VENTX: variants seen among roughly 807,000 people sequenced by gnomAD.
VENTX encodes VENT homeobox.
A neutral mutation model predicts 10.5 loss-of-function variants in VENTX; 13 were observed. The ratio of observed to expected loss-of-function variants is 1.23; its 90% CI spans 0.80 to 1.96. The LOEUF is 1.96. VENTX is among the 30% of genes most tolerant of loss of function. The pLI is 0.00. For synonymous variants in VENTX, 177 were observed against 150.4 expected (o/e 1.18, Z -1.29); for missense variants, 400 against 341.8 (o/e 1.17, Z -1.34).
Position 133,239,755 on chromosome 10 carries a change from G to A in VENTX, c.321G>A (p.Glu107=). The A allele has an allele frequency of 1.9e-6, 3 of 1,611,298 alleles. No individual in the cohort carries two copies. The South Asian group carries it at 3.3e-5, about 18-fold the overall frequency. Reference sequence around the variant, plus strand: ...CCATGGAGCAGGTCCGCACCTTGGAGGGCGTCTTCCAGCACCACCAGTACC... The same window carrying A: ...CCATGGAGCAGGTCCGCACCTTGGAAGGCGTCTTCCAGCACCACCAGTACC... ...AFTMEQVRTL[E]GVFQHHQYLS... The change falls in exon 2 of 3, where the codon GAG becomes GAA. Residue 107 remains glutamate, a synonymous_variant. Transcript: ENST00000325980.
rs1419955873 is a variant in VENTX at position 133,240,236 on chromosome 10, C to T, written c.707C>T (p.Ser236Leu). The change falls in exon 3 of 3, where the codon TCG becomes TTG. Residue 236 changes from serine (S) to leucine (L), a missense_variant. Coordinates refer to ENST00000325980, the MANE Select transcript of VENTX (RefSeq NM_014468.4). ...ASHPPTPGRP[S>L]LGPALSTGPR... The stretch of plus-strand genomic sequence containing the variant: ...CACCCCCCTACCCCAGGCCGGCCTT[C>T]GCTGGGACCAGCCCTGTCCACGGGG... The T allele has an allele frequency of 8.7e-6, 14 of 1,611,616 alleles. No homozygotes were observed. The highest frequency in any genetic ancestry group is 2.2e-5 in the East Asian group (1 of 44,834).
At chr10:133,239,300 A>C (rs1845894852) in intron 1 of VENTX, among the ~76,000 whole-genome samples, 1 of 151,798 alleles carries the variant, frequency 6.6e-6, no homozygotes. Context: ...AGCCCGGGAC[A>C]GGGATGGGTG....
rs1316219061 is a variant in VENTX at position 133,241,481 on chromosome 10, G to C, written c.*1175G>C. 4 of 152,280 alleles carry C rather than the reference G, an allele frequency of 2.6e-5. No individual in the cohort carries two copies. The highest frequency in any genetic ancestry group is 9.6e-5 in the African/African-American group (4 of 41,462). 9.4% of individuals were successfully genotyped at this position (152,280 alleles called of 1,614,324 possible). On this transcript the variant is annotated 3_prime_UTR_variant, in exon 3 of 3. Coordinates refer to ENST00000325980, the MANE Select transcript of VENTX (RefSeq NM_014468.4). ...ACTCCCGCGTTGATGGACCGTTCTTGGTGCAGACTCCTGACTGCGTGCATG... is the reference window on the plus strand; with the variant it reads ...ACTCCCGCGTTGATGGACCGTTCTTCGTGCAGACTCCTGACTGCGTGCATG...
Position 133,237,985 on chromosome 10 carries a change from C to A in VENTX, c.71C>A (p.Ser24Tyr). The A allele has an allele frequency of 6.2e-7, 1 of 1,600,722 alleles. No homozygotes were observed. ...AGCTTTGGCTCCGTGGACTGGCTCTCCCAGAGCAGCTGCTCAGGGCCGACC... is the reference window on the plus strand; with the variant it reads ...AGCTTTGGCTCCGTGGACTGGCTCTACCAGAGCAGCTGCTCAGGGCCGACC... ...LSSFGSVDWL[S>Y]QSSCSGPTHT... is the part of the protein sequence containing the mutation. Residue 24 changes from serine (S) to tyrosine (Y), a missense_variant, in exon 1 of 3, where the codon TCC (serine) becomes TAC (tyrosine). By Grantham distance (144) the Ser-to-Tyr change is moderately radical. Transcript: ENST00000325980.
At position 133,240,334 on chromosome 10, in the gene VENTX, G is replaced by C; in HGVS notation, c.*28G>C. The stretch of plus-strand genomic sequence containing the variant: ...AGGCACCTCTGACTCCCACACTCGC[G>C]GTCTTGCTGATCGCACCTGGCTCCT... On this transcript the variant is annotated 3_prime_UTR_variant, in exon 3 of 3. Coordinates refer to ENST00000325980, the MANE Select transcript of VENTX (RefSeq NM_014468.4). The C allele has an allele frequency of 6.5e-7, 1 of 1,542,610 alleles. No individual in the cohort carries two copies. The highest frequency in any genetic ancestry group is 8.7e-7 in the Non-Finnish European group (1 of 1,143,402).
rs34240429 is a variant in VENTX at position 133,238,167 on chromosome 10, TG to T, written c.241+20del. 12,439 of 1,574,544 alleles carry T rather than the reference TG, an allele frequency of 7.9e-3. 756 individuals are homozygous for T. In the African/African-American group the frequency reaches 0.14, roughly 17 times the overall value. On this transcript the variant is annotated intron_variant, in intron 1 of 2. Coordinates refer to ENST00000325980, the MANE Select transcript of VENTX (RefSeq NM_014468.4). ...GAGGACCATGGCCGGTAGGTCCGGGTGGGGGGGGTCCCTTCCTTCCCAGGTG... is the reference window on the plus strand; with the variant it reads ...GAGGACCATGGCCGGTAGGTCCGGGTGGGGGGGTCCCTTCCTTCCCAGGTG...
chr10:133,240,065 G>T lies in VENTX; in HGVS notation c.536G>T (p.Gly179Val), dbSNP rs1564910113. The T allele has an allele frequency of 6.2e-7, 1 of 1,611,640 alleles. No individual in the cohort carries two copies. Among genetic ancestry groups the T allele is most frequent in the Non-Finnish European group, 8.5e-7 (1 of 1,180,010 alleles). The change falls in exon 3 of 3, where the codon GGC becomes GTC. Residue 179 changes from glycine (G) to valine (V), a missense_variant. Transcript: ENST00000325980. ...FYSTSSGLAN[G>V]LQLLCPWAPL... ...TCAACGTCTTCTGGCCTTGCCAATG[G>T]CCTGCAGCTGCTGTGCCCTTGGGCA...
At position 133,238,090 on chromosome 10, in the gene VENTX, A is replaced by T. The variant is rs1178767175; in HGVS notation, c.176A>T (p.Gln59Leu). Reference sequence around the variant, plus strand: ...ACATCCGGCGCCCGGGAGCCCCCTCAGGCCGTCAGCATCAAGGAGGCCGCC... The same window carrying T: ...ACATCCGGCGCCCGGGAGCCCCCTCTGGCCGTCAGCATCAAGGAGGCCGCC... ...GQTSGAREPP[Q>L]AVSIKEAAGS... Residue 59 changes from glutamine (Q) to leucine (L), a missense_variant, in exon 1 of 3, where the codon CAG becomes CTG. Coordinates refer to ENST00000325980, the MANE Select transcript of VENTX (RefSeq NM_014468.4). The T allele has an allele frequency of 2.5e-6, 4 of 1,600,536 alleles. No individual in the cohort carries two copies. In the Admixed American group the frequency reaches 5.2e-5, roughly 21 times the overall value.
Position 133,240,371 on chromosome 10 carries a change from TCA to T in VENTX, c.*66_*67del. 6.7e-7 allele frequency: 1 copy of T among 1,503,032 alleles called. No homozygotes were observed. Among genetic ancestry groups the T allele is most frequent in the South Asian group, 1.3e-5 (1 of 74,476 alleles). 93.1% of individuals were successfully genotyped at this position (1,503,032 alleles called of 1,614,324 possible). A position where few individuals can be genotyped will look rare whatever the true frequency, so the allele number is the denominator to read the frequency against. ...CGCACCTGGCTCCTACCTGGAGGACTCAGTTGTTCTGTTTACATCCTGGTGGC... is the reference window on the plus strand; with the variant it reads ...CGCACCTGGCTCCTACCTGGAGGACTGTTGTTCTGTTTACATCCTGGTGGC... On this transcript the variant is annotated 3_prime_UTR_variant, in exon 3 of 3. Transcript: ENST00000325980.
In VENTX at chr10:133,240,516, A is replaced by ATATGTGTG. The variant is rs56081825; in HGVS notation, c.*211_*212insATGTGTGT. 2.5e-5 allele frequency: 3 copies of ATATGTGTG among 118,982 alleles called. No individual in the cohort carries two copies. Among genetic ancestry groups the ATATGTGTG allele is most frequent in the African/African-American group, 1.3e-4 (3 of 23,582 alleles). 7.4% of individuals were successfully genotyped at this position (118,982 alleles called of 1,614,324 possible). ...CGTATATATAAATATATATATACAT[A>ATATGTGTG]TGTGTGTGTATATATATATATATTT... is the stretch of plus-strand genomic sequence containing the variant. On this transcript the variant is annotated 3_prime_UTR_variant, in exon 3 of 3. Transcript: ENST00000325980.
chr10:133,239,526 G>GGAGGC (rs1845898846), intron 1 of VENTX, 150 bp from the exon 2 acceptor site: 1 of 895,590 alleles, frequency 1.1e-6, no homozygotes, highest in East Asian at 2.7e-5. Context: ...ATGTGACCTG[G>GGAGGC]GAGGCGGCGG....
At position 133,240,457 on chromosome 10, in the gene VENTX, T is replaced by A; in HGVS notation, c.*151T>A. On this transcript the variant is annotated 3_prime_UTR_variant, in exon 3 of 3. Coordinates refer to ENST00000325980, the MANE Select transcript of VENTX (RefSeq NM_014468.4). ...GATTACTGGAGAATATATATAAATA[T>A]ATATATGTACGTATATATGTAAATA... 7 of 468,762 alleles carry A rather than the reference T, an allele frequency of 1.5e-5. No homozygotes were observed. The highest frequency in any genetic ancestry group is 2.4e-5 in the Non-Finnish European group (7 of 297,454). 29.0% of individuals were successfully genotyped at this position (468,762 alleles called of 1,614,324 possible). A position where few individuals can be genotyped will look rare whatever the true frequency, so the allele number is the denominator to read the frequency against.
chr10:133,238,399 G>A (rs373455283), intron 1 of VENTX, among the ~76,000 whole-genome samples: 1 of 152,158 alleles, frequency 6.6e-6, no homozygotes, highest in Non-Finnish European at 1.5e-5. Flanking sequence ...GCCTCCTTTT[G>A]TCACCCCGTT....
rs961552128 is a variant in VENTX, at chr10:133,240,453, A to AAT, written c.*156_*157dup. The AAT allele has an allele frequency of 1.6e-5, 10 of 607,054 alleles. No individual in the cohort carries two copies. The highest frequency in any genetic ancestry group is 1.2e-4 in the African/African-American group (6 of 49,704). 37.6% of individuals were successfully genotyped at this position (607,054 alleles called of 1,614,324 possible). ...TGGAGATTACTGGAGAATATATATA[A>AAT]ATATATATATGTACGTATATATGTA... On this transcript the variant is annotated 3_prime_UTR_variant, in exon 3 of 3. Transcript: ENST00000325980.
chr10:133,239,118 G>A (rs1482458883), intron 1 of VENTX, among the ~76,000 whole-genome samples: 4 of 152,210 alleles, frequency 2.6e-5, no homozygotes, highest in Admixed American at 6.5e-5. Context: ...ATTTAATGTC[G>A]AGCTCGATTG....
Position 133,239,579 on chromosome 10 carries a change from C to G in VENTX, c.242-97C>G, listed in dbSNP as rs1033215502. 4.1e-6 allele frequency: 6 copies of G among 1,457,940 alleles called. No individual in the cohort carries two copies. The East Asian group carries it at 1.2e-4, about 29-fold the overall frequency. 90.3% of individuals were successfully genotyped at this position (1,457,940 alleles called of 1,614,324 possible). A position where few individuals can be genotyped will look rare whatever the true frequency, so the allele number is the denominator to read the frequency against. On this transcript the variant is annotated intron_variant, in intron 1 of 2. Coordinates refer to ENST00000325980, the MANE Select transcript of VENTX (RefSeq NM_014468.4). ...GTCAGGTGAGAAGATCTGCCCTGCC[C>G]AGCCCCCAGCATGGCTGTCTTCACC...
chr10:133,237,931 C>T lies in VENTX; in HGVS notation c.17C>T (p.Ser6Phe), dbSNP rs564767886. MRLSS[S>F]PPRGPQQLSS... is the part of the protein sequence containing the mutation. ...CTGGCCGCCATGCGCCTCTCCTCCT[C>T]CCCACCTCGTGGCCCGCAGCAGCTC... The change falls in exon 1 of 3, where the codon TCC (serine) becomes TTC (phenylalanine). Residue 6 changes from serine (S) to phenylalanine (F), a missense_variant. Transcript: ENST00000325980. The T allele has an allele frequency of 9.4e-6, 15 of 1,593,756 alleles. No homozygotes were observed. In the South Asian group the frequency reaches 1.5e-4, roughly 16 times the overall value.
Position 133,240,434 on chromosome 10 carries a change from T to C in VENTX, c.*128T>C. ...CTGACCCACACAAAGGTTCTGGAGA[T>C]TACTGGAGAATATATATAAATATAT... On this transcript the variant is annotated 3_prime_UTR_variant, in exon 3 of 3. Coordinates refer to ENST00000325980, the MANE Select transcript of VENTX (RefSeq NM_014468.4). The C allele has an allele frequency of 1.0e-6, 1 of 980,212 alleles. No individual in the cohort carries two copies. Among genetic ancestry groups the C allele is most frequent in the East Asian group, 3.0e-5 (1 of 33,798 alleles). 60.7% of individuals were successfully genotyped at this position (980,212 alleles called of 1,614,324 possible). A position where few individuals can be genotyped will look rare whatever the true frequency, so the allele number is the denominator to read the frequency against.
In VENTX at chr10:133,239,634, G is replaced by A. The variant is rs758912871; in HGVS notation, c.242-42G>A. The A allele has an allele frequency of 1.9e-6, 3 of 1,606,828 alleles. No individual in the cohort carries two copies. The Admixed American group carries it at 5.0e-5, about 27-fold the overall frequency. Reference sequence around the variant, plus strand: ...ACCCGTGGGCACGAGCTTGCCCCATGGGGTGGCATGTTGAGCCAAATGCCC... The same window carrying A: ...ACCCGTGGGCACGAGCTTGCCCCATAGGGTGGCATGTTGAGCCAAATGCCC... On this transcript the variant is annotated intron_variant, in intron 1 of 2. Transcript: ENST00000325980.
Sources: allele counts gnomAD v4.1 joint callset (sites outside exome capture counted in the v4.1 genomes callset), GRCh38; gene constraint gnomAD v4.1.1; transcripts MANE v1.5; gene names NCBI Gene and HGNC (gene_info 2026-07-23, HGNC 2026-07-21).